Variants in PRKCI observed in about 807,000 individuals in gnomAD.
The protein encoded by PRKCI is protein kinase C iota type.
In PRKCI, 43 loss-of-function variants were observed where a neutral mutation model predicts 84.0. That is an observed-to-expected ratio of 0.51 (90% CI 0.40 to 0.66). The LOEUF is 0.66. PRKCI is among the 30% of genes least tolerant of loss of function. The pLI is 0.00. For missense variants in PRKCI, 459 were observed against 745.6 expected (o/e 0.62, Z 4.48); for synonymous variants, 216 against 234.4 (o/e 0.92, Z 0.72).
At chr3:170,295,852 G>GA (rs1337018985) in intron 14 of PRKCI, 59 bp from the exon 15 acceptor site, 2 of 1,064,258 alleles carry the variant, frequency 1.9e-6, no homozygotes, top group Non-Finnish European at 2.7e-6. Flanking sequence ...CAAAAAAGAA[G>GA]AAAAAAGATT....
chr3:170,262,832 CTTT>C (rs748452040), intron 3 of PRKCI, among the ~76,000 whole-genome samples: 6,300 of 132,944 alleles, frequency 0.047, 470 homozygotes, highest in African/African-American at 0.17. Context: ...TTCTTTCTTT[CTTT>C]TTTTTTTTTT....
At chr3:170,248,563 C>A (rs933502054) in intron 2 of PRKCI, among the ~76,000 whole-genome samples, 3 of 151,878 alleles carry the variant, frequency 2.0e-5, no homozygotes, top group African/African-American at 7.3e-5. Context: ...TGTTTTGCTT[C>A]ACGCTTATGC....
chr3:170,230,488 G>A (rs879274471), intron 1 of PRKCI, among the ~76,000 whole-genome samples: 259 of 142,776 alleles, frequency 1.8e-3, no homozygotes, highest in South Asian at 5.4e-3. Flanking sequence ...GCGCCACCAT[G>A]TCCGGCTAAT....
chr3:170,293,022 C>T (rs1347637393), intron 13 of PRKCI, among the ~76,000 whole-genome samples: 1 of 135,820 alleles, frequency 7.4e-6, no homozygotes, highest in Non-Finnish European at 1.5e-5. Flanking sequence ...GCCTGGGCGA[C>T]AGAGTGAGAC....
chr3:170,284,072 C>T (rs573847451), intron 11 of PRKCI, among the ~76,000 whole-genome samples: 9 of 151,890 alleles, frequency 5.9e-5, no homozygotes, highest in African/African-American at 9.7e-5. Context: ...TTAGCCTTCT[C>T]GGAGGATCAC....
chr3:170,244,543 A>C (rs1034668393), intron 2 of PRKCI, among the ~76,000 whole-genome samples: 1 of 152,084 alleles, frequency 6.6e-6, no homozygotes, highest in Non-Finnish European at 1.5e-5. Context: ...TATCCTTTAT[A>C]ATAAAGTGTT....
chr3:170,252,506 TTTAG>T (rs1327304958), intron 2 of PRKCI, among the ~76,000 whole-genome samples: 7 of 152,192 alleles, frequency 4.6e-5, no homozygotes, highest in African/African-American at 1.7e-4. Context: ...ATTATACTCT[TTTAG>T]TTATTTTTAA....
rs1056918198 is a variant in PRKCI at position 170,260,530 on chromosome 3, C to T, written c.313+472C>T. On this transcript the variant is annotated intron_variant, in intron 3 of 17. Coordinates refer to ENST00000295797, the MANE Select transcript of PRKCI (RefSeq NM_002740.6). ...AGGTTGGAGTACAGTGGTATGATCTCGGCCCACTGCAACCTCTGCCTCCTG... is the reference window on the plus strand; with the variant it reads ...AGGTTGGAGTACAGTGGTATGATCTTGGCCCACTGCAACCTCTGCCTCCTG... Among the ~76,000 whole-genome samples, 5 of 152,100 alleles carry T rather than the reference C, an allele frequency of 3.3e-5. 1 individual carries two copies. In the East Asian group the frequency reaches 5.8e-4, roughly 18 times the overall value.
chr3:170,249,382 CAGAG>C (rs199995227), intron 2 of PRKCI, among the ~76,000 whole-genome samples: 3 of 149,812 alleles, frequency 2.0e-5, no homozygotes, highest in South Asian at 2.1e-4. Context: ...TCATTTACGA[CAGAG>C]AGAGAGAGAG....
intron 8 of PRKCI, among the ~76,000 whole-genome samples, chr3:170,277,123 C>T (rs1410993774): frequency 6.6e-6 from 1 of 151,038 alleles, no homozygotes; most frequent in Non-Finnish European, 1.5e-5. Context: ...GTGGCACACA[C>T]CTATAATACT....
chr3:170,270,664 C>T, intron 6 of PRKCI, 103 bp downstream of exon 6: 1 of 1,331,214 alleles, frequency 7.5e-7, no homozygotes, highest in Non-Finnish European at 1.0e-6. Flanking sequence ...AATTACAGCA[C>T]AACAGAGTAG....
chr3:170,287,126 G>A (rs978998072), intron 12 of PRKCI, among the ~76,000 whole-genome samples: 13 of 152,084 alleles, frequency 8.5e-5, no homozygotes, highest in African/African-American at 2.9e-4. Context: ...CTGGAGCTCA[G>A]AAGTTCGACA....
chr3:170,224,014 C>A (rs1732566781), intron 1 of PRKCI, among the ~76,000 whole-genome samples: 1 of 151,364 alleles, frequency 6.6e-6, no homozygotes, highest in South Asian at 2.1e-4. Flanking sequence ...TGTGCTGCAC[C>A]CATTAACTCG....
At chr3:170,289,224 G>A (rs1475298277) in intron 12 of PRKCI, among the ~76,000 whole-genome samples, 3 of 152,066 alleles carry the variant, frequency 2.0e-5, no homozygotes, top group Admixed American at 6.6e-5. Context: ...ATGTATTGCC[G>A]TTGCCAATAA....
chr3:170,250,648 C>G (rs1733421796), intron 2 of PRKCI, among the ~76,000 whole-genome samples: 1 of 152,038 alleles, frequency 6.6e-6, no homozygotes. Flanking sequence ...TTTTATTTAT[C>G]CATTTATCAA....
chr3:170,250,227 G>A (rs1251004923), intron 2 of PRKCI, among the ~76,000 whole-genome samples: 1 of 148,494 alleles, frequency 6.7e-6, no homozygotes, highest in African/African-American at 2.5e-5. Context: ...GAGCCGAGGT[G>A]TCACCACCAC....
At chr3:170,265,705 C>T (rs1229061847) in intron 4 of PRKCI, among the ~76,000 whole-genome samples, 6 of 151,454 alleles carry the variant, frequency 4.0e-5, no homozygotes, top group Non-Finnish European at 5.9e-5. Flanking sequence ...AGCTCTGCCT[C>T]CTGGGTTCAT....
At chr3:170,266,886 G>A (rs1733869274) in intron 4 of PRKCI, among the ~76,000 whole-genome samples, 1 of 152,150 alleles carries the variant, frequency 6.6e-6, no homozygotes, top group Non-Finnish European at 1.5e-5. Flanking sequence ...CCAGCTACTC[G>A]GGTGGCCGAG....
intron 8 of PRKCI, among the ~76,000 whole-genome samples, chr3:170,279,905 A>G (rs1277063201): frequency 6.6e-6 from 1 of 152,104 alleles, no homozygotes; most frequent in East Asian, 1.9e-4. Context: ...ACCAAGGTTA[A>G]TGTGTTTTTT....
Sources: allele counts gnomAD v4.1 joint callset (sites outside exome capture counted in the v4.1 genomes callset), GRCh38; gene constraint gnomAD v4.1.1; transcripts MANE v1.5; gene names NCBI Gene and HGNC (gene_info 2026-07-23, HGNC 2026-07-21).